The following KLF12 variants were observed in gnomAD, a reference collection of about 807,000 sequenced individuals.
The protein encoded by KLF12 is Krueppel-like factor 12.
A neutral mutation model predicts 37.8 loss-of-function variants in KLF12; 9 were observed. That is an observed-to-expected ratio of 0.24 (90% CI 0.14 to 0.42). The LOEUF is 0.42. KLF12 is among the 10% of genes least tolerant of loss of function. The probability of loss-of-function intolerance (pLI) is 1.00; values close to 1 mark genes in which losing one functional copy is unlikely to be tolerated. For missense variants in KLF12, 411 were observed against 516.0 expected (o/e 0.80, Z 1.97); for synonymous variants, 208 against 202.1 (o/e 1.03, Z -0.25).
At chr13:73,769,901 T>TA (rs66714933) in intron 5 of KLF12, among the ~76,000 whole-genome samples, 17,525 of 152,214 alleles carry the variant, frequency 0.12, 1,157 homozygotes, top group Middle Eastern at 0.23. Flanking sequence ...ATCTTTCTTG[T>TA]AGGACATTAC....
chr13:73,719,304 T>C (rs1179315175), intron 6 of KLF12, among the ~76,000 whole-genome samples: 1 of 152,002 alleles, frequency 6.6e-6, no homozygotes, highest in East Asian at 1.9e-4. Flanking sequence ...GCACTGCAAG[T>C]GGACGACAAC....
the KLF12 span, among the ~76,000 whole-genome samples, chr13:74,241,218 G>A: frequency 0.034 from 5,218 of 151,538 alleles, 120 homozygotes; most frequent in Middle Eastern, 0.072. Context: ...AGGTGTCAGT[G>A]TGCCCCTGCT....
At chr13:73,847,644 G>A (rs1885100683) in intron 3 of KLF12, among the ~76,000 whole-genome samples, 3 of 152,052 alleles carry the variant, frequency 2.0e-5, no homozygotes, top group South Asian at 2.1e-4. Context: ...ATGTTTTAAT[G>A]CTGTTTTTCC....
chr13:73,775,967 G>T (rs909187018), intron 5 of KLF12, among the ~76,000 whole-genome samples: 3 of 152,014 alleles, frequency 2.0e-5, no homozygotes, highest in Non-Finnish European at 4.4e-5. Flanking sequence ...ATTTTACGTC[G>T]TTTGGTTCAC....
At chr13:73,956,019 T>C (rs930345980) in intron 2 of KLF12, among the ~76,000 whole-genome samples, 1 of 152,186 alleles carries the variant, frequency 6.6e-6, no homozygotes, top group African/African-American at 2.4e-5. Context: ...ATAAATTAAA[T>C]CCAGCATTCT....
intron 3 of KLF12, among the ~76,000 whole-genome samples, chr13:73,911,603 A>G (rs73524889): frequency 3.1e-4 from 47 of 152,374 alleles, no homozygotes; most frequent in African/African-American, 1.1e-3. Context: ...AGGTTCTTGA[A>G]TAAATGCATA....
In KLF12 at chr13:73,808,801, G is replaced by A. The variant is rs1882779679; in HGVS notation, c.806+4351C>T. ...AGGCAAGACTATGAGCAAGAATGGG[G>A]AAGGAGACAAGAAGAGCTTCAGTTA... On this transcript the variant is annotated intron_variant, in intron 5 of 7. Coordinates refer to ENST00000377669, the MANE Select transcript of KLF12 (RefSeq NM_007249.5). 1.3e-5 allele frequency among the ~76,000 whole-genome samples: 2 copies of A among 152,188 alleles called. 1 individual carries two copies. Among genetic ancestry groups the A allele is most frequent in the South Asian group, 4.1e-4 (2 of 4,832 alleles).
intron 1 of KLF12, among the ~76,000 whole-genome samples, chr13:74,039,534 G>A (rs1195411730): frequency 6.7e-6 from 1 of 150,364 alleles, no homozygotes; most frequent in Non-Finnish European, 1.5e-5. Context: ...CATCTCCAAA[G>A]AAATAAAAAA....
intron 2 of KLF12, among the ~76,000 whole-genome samples, chr13:73,972,375 T>A (rs2138113750): frequency 6.6e-6 from 1 of 152,118 alleles, no homozygotes; most frequent in East Asian, 1.9e-4. Context: ...ACTAATTCAA[T>A]TAATAAAATT....
At chr13:73,927,316 A>G (rs986166350) in intron 3 of KLF12, among the ~76,000 whole-genome samples, 1 of 152,186 alleles carries the variant, frequency 6.6e-6, no homozygotes, top group Non-Finnish European at 1.5e-5. Context: ...TTCTTATTTT[A>G]TATTACAAGT....
intron 6 of KLF12, among the ~76,000 whole-genome samples, chr13:73,731,054 C>A (rs183894567): frequency 1.3e-5 from 2 of 152,192 alleles, no homozygotes; most frequent in Non-Finnish European, 2.9e-5. Context: ...TGCCATCACT[C>A]AAGTAAGTGG....
upstream of KLF12, among the ~76,000 whole-genome samples, chr13:74,138,802 C>T (rs1878628959): frequency 6.6e-6 from 1 of 152,150 alleles, no homozygotes; most frequent in African/African-American, 2.4e-5. Flanking sequence ...CTTTACAAAG[C>T]CAAGTTGGCA....
intron 5 of KLF12, among the ~76,000 whole-genome samples, chr13:73,791,831 T>A (rs993839828): frequency 3.3e-5 from 5 of 152,202 alleles, no homozygotes; most frequent in African/African-American, 1.2e-4. Flanking sequence ...ATTATGAGCC[T>A]TGTGGACCAG....
At chr13:73,934,950 A>ATTATTTATTTAT (rs146314583) in intron 3 of KLF12, among the ~76,000 whole-genome samples, 1,430 of 139,640 alleles carry the variant, frequency 0.01, 11 homozygotes, top group Non-Finnish European at 0.013. Context: ...ATAGGTTTTT[A>ATTATTTATTTAT]TTATTTATTT....
At chr13:74,078,641 C>G (rs1346229385) in intron 1 of KLF12, among the ~76,000 whole-genome samples, 1 of 152,126 alleles carries the variant, frequency 6.6e-6, no homozygotes, top group East Asian at 1.9e-4. Context: ...ATTAATGATG[C>G]ACTTTTATTC....
chr13:73,770,627 A>G (rs1464457037), intron 5 of KLF12, among the ~76,000 whole-genome samples: 2 of 151,806 alleles, frequency 1.3e-5, no homozygotes, highest in African/African-American at 2.4e-5. Context: ...GGCTCAAGCA[A>G]TTCTCCTGCC....
At chr13:74,145,909 C>G in the KLF12 span, among the ~76,000 whole-genome samples, 2 of 152,138 alleles carry the variant, frequency 1.3e-5, no homozygotes, top group African/African-American at 4.8e-5. Context: ...TTCTTAGTAT[C>G]ACAGAGTCTA....
chr13:74,211,827 C>A, the KLF12 span, among the ~76,000 whole-genome samples: 12 of 152,024 alleles, frequency 7.9e-5, 1 homozygote, highest in South Asian at 2.5e-3. Flanking sequence ...GTTTATTAAC[C>A]CAATTATAAA....
At chr13:74,264,885 T>C in the KLF12 span, among the ~76,000 whole-genome samples, 2 of 152,062 alleles carry the variant, frequency 1.3e-5, no homozygotes, top group Non-Finnish European at 2.9e-5. Flanking sequence ...CTTAGGTTAG[T>C]CTATTTTTTT....
Sources: allele counts gnomAD v4.1 joint callset (sites outside exome capture counted in the v4.1 genomes callset), GRCh38; gene constraint gnomAD v4.1.1; transcripts MANE v1.5; gene names NCBI Gene and HGNC (gene_info 2026-07-23, HGNC 2026-07-21).